The following TTC34 variants were observed in gnomAD, a reference collection of about 807,000 sequenced individuals.
TTC34 encodes tetratricopeptide repeat domain 34.
TTC34 carries 44 observed loss-of-function variants against 40.7 expected under a neutral mutation model. The ratio of observed to expected loss-of-function variants is 1.08; its 90% confidence interval spans 0.85 to 1.39. TTC34 has a LOEUF of 1.39. Among genes scored for constraint, TTC34 ranks in the 40% most tolerant of loss-of-function variants. TTC34 has a pLI of 0.00. For synonymous variants in TTC34, 422 were observed against 398.6 expected (o/e 1.06, Z -0.70); for missense variants, 884 against 838.0 (o/e 1.05, Z -0.68).
chr1:2,750,829 C>A (rs1424944755), intron 6 of TTC34, among the ~76,000 whole-genome samples: 17 of 123,530 alleles, frequency 1.4e-4, no homozygotes, highest in East Asian at 1.1e-3. Context: ...ATCTGACAGC[C>A]TGGAGCAGTA....
intron 6 of TTC34, among the ~76,000 whole-genome samples, chr1:2,754,856 C>CAACCCCAGGTGAGCATCTGAGAGCCTGG (rs1641453170): frequency 9.6e-6 from 1 of 103,934 alleles, no homozygotes. Flanking sequence ...ACAGCACCCA[C>CAACCCCAGGTGAGCATCTGAGAGCCTGG]ATGCCCAGCT....
intron 6 of TTC34, among the ~76,000 whole-genome samples, chr1:2,693,902 C>T (rs1300374648): frequency 5.8e-4 from 74 of 128,388 alleles, no homozygotes; most frequent in Non-Finnish European, 5.7e-4. Flanking sequence ...GAACAGCACC[C>T]ACATGCCCAG....
intron 6 of TTC34, among the ~76,000 whole-genome samples, chr1:2,649,268 G>A (rs903292220): frequency 2.6e-5 from 4 of 152,060 alleles, no homozygotes; most frequent in Non-Finnish European, 4.4e-5. Context: ...GCATCTGACA[G>A]CCTAAAACAG....
At chr1:2,755,592 A>G (rs1386731362) in intron 6 of TTC34, among the ~76,000 whole-genome samples, 9 of 119,880 alleles carry the variant, frequency 7.5e-5, no homozygotes, top group African/African-American at 1.5e-4. Flanking sequence ...CCTCCCGGCG[A>G]GCATCCGACA....
intron 6 of TTC34, among the ~76,000 whole-genome samples, chr1:2,686,726 C>G (rs1208498960): frequency 4.2e-5 from 6 of 143,804 alleles, no homozygotes; most frequent in African/African-American, 1.6e-4. Flanking sequence ...CACACACCCC[C>G]AGGCGAGCAT....
chr1:2,754,741 C>T (rs1191516942), intron 6 of TTC34, among the ~76,000 whole-genome samples: 783 of 121,824 alleles, frequency 6.4e-3, no homozygotes, highest in African/African-American at 0.023. Flanking sequence ...ACCCACACCC[C>T]CAGGTGCGCA....
rs141196292 is a variant in TTC34 at position 2,648,855 on chromosome 1, C to T, written c.2227-3292G>A. On this transcript the variant is annotated intron_variant, in intron 6 of 8. Coordinates refer to ENST00000401095, the Ensembl canonical transcript of TTC34. ...CATTCTCCAGCCCCAGGTGAACTTG[C>T]GACAATCCAAAACAGAACCCTACAC... Among the ~76,000 whole-genome samples the T allele has an allele frequency of 2.7e-3, 405 of 147,276 alleles. 1 individual carries two copies. The highest frequency in any genetic ancestry group is 4.6e-3 in the Non-Finnish European group (310 of 67,006).
chr1:2,794,847 T>A (rs565897043), intron 2 of TTC34, among the ~76,000 whole-genome samples: 14 of 152,360 alleles, frequency 9.2e-5, no homozygotes, highest in Non-Finnish European at 8.8e-5. Flanking sequence ...ACTGCAATGA[T>A]AATATGTTCT....
chr1:2,672,480 AC>A (rs1207898812), intron 6 of TTC34, among the ~76,000 whole-genome samples: 2 of 67,738 alleles, frequency 3.0e-5, no homozygotes, highest in African/African-American at 1.2e-4. Flanking sequence ...ACAGCCCCAC[AC>A]GAGCATCTGA....
At position 2,777,238 on chromosome 1, in the gene TTC34, A is replaced by T. The variant is rs539150936; in HGVS notation, c.2226+6371T>A. 6.4e-5 allele frequency among the ~76,000 whole-genome samples: 8 copies of T among 124,494 alleles called. No homozygotes were observed. The East Asian group carries it at 2.0e-3, about 32-fold the overall frequency. The allele number at this position is 124,494 out of a possible 152,430, so 81.7% of individuals were successfully genotyped here. On this transcript the variant is annotated intron_variant, in intron 6 of 8. Coordinates refer to ENST00000401095, the Ensembl canonical transcript of TTC34. Reference sequence around the variant, plus strand: ...TCCAGGGGAGCATCTGACATCCTGGAACAGCACCCCACACCCCCAGTGAGC... The same window carrying T: ...TCCAGGGGAGCATCTGACATCCTGGTACAGCACCCCACACCCCCAGTGAGC...
exon 9 of TTC34, chr1:2,638,197 AAAGCCTGACTC>A (rs1212860686): frequency 6.6e-6 from 1 of 152,148 alleles, no homozygotes; most frequent in African/African-American, 2.4e-5. Flanking sequence ...GGTCAAGTAC[AAAGCCTGACTC>A]AGGAAGGAAC....
intron 6 of TTC34, among the ~76,000 whole-genome samples, chr1:2,752,479 A>C: frequency 6.9e-6 from 1 of 145,948 alleles, no homozygotes; most frequent in African/African-American, 2.6e-5. Flanking sequence ...ACAGCCTGGA[A>C]CAGCACCCAC....
chr1:2,691,776 A>C (rs1640630880), intron 6 of TTC34, among the ~76,000 whole-genome samples: 1 of 92,020 alleles, frequency 1.1e-5, no homozygotes, highest in Non-Finnish European at 2.5e-5. Flanking sequence ...AAATAGCAGC[A>C]CCCACACCCC....
exon 4 of TTC34, chr1:2,787,488 G>T: frequency 6.7e-7 from 1 of 1,484,802 alleles, no homozygotes; most frequent in Non-Finnish European, 9.0e-7. Context: ...CACCTGGTTG[G>T]CGTCATAGAA....
chr1:2,686,323 C>T (rs138150973), intron 6 of TTC34, among the ~76,000 whole-genome samples: 69 of 142,838 alleles, frequency 4.8e-4, no homozygotes, highest in Admixed American at 1.1e-3. Flanking sequence ...ACCCACACCT[C>T]CAGGCGAGCA....
chr1:2,751,873 T>C (rs1403702910), intron 6 of TTC34, among the ~76,000 whole-genome samples: 1 of 115,122 alleles, frequency 8.7e-6, no homozygotes, highest in Non-Finnish European at 1.7e-5. Flanking sequence ...TCCGACAGCC[T>C]GGAGCAGCAC....
intron 6 of TTC34, among the ~76,000 whole-genome samples, chr1:2,675,285 C>G (rs796888591): frequency 7.6e-6 from 1 of 131,140 alleles, no homozygotes; most frequent in Non-Finnish European, 1.7e-5. Context: ...CCCACATCAC[C>G]GGGTGAGCAT....
At chr1:2,641,335 C>T (rs1359305957) in exon 9 of TTC34, 6 of 1,459,020 alleles carry the variant, frequency 4.1e-6, no homozygotes, top group Non-Finnish European at 1.8e-6. Context: ...TAGGGTGGCC[C>T]CGTGATTAGG....
At chr1:2,688,012 GGCGAGCATCTGACTGC>G (rs1640444553) in intron 6 of TTC34, among the ~76,000 whole-genome samples, 1 of 137,672 alleles carries the variant, frequency 7.3e-6, no homozygotes, top group African/African-American at 2.9e-5. Flanking sequence ...CACACCCCCA[GGCGAGCATCTGACTGC>G]ATGTAACAGC....
Sources: allele counts gnomAD v4.1 joint callset (sites outside exome capture counted in the v4.1 genomes callset), GRCh38; gene constraint gnomAD v4.1.1; transcripts MANE v1.5; gene names NCBI Gene and HGNC (gene_info 2026-07-23, HGNC 2026-07-21).